The following GABRR1 variants were observed in gnomAD, a reference collection of about 807,000 sequenced individuals.
GABRR1 encodes gamma-aminobutyric acid receptor subunit rho-1.
Under a neutral mutation model 55.5 loss-of-function variants are expected in GABRR1, and 59 were observed. The ratio of observed to expected loss-of-function variants is 1.06; its 90% CI spans 0.86 to 1.32. The LOEUF (loss-of-function observed/expected upper bound fraction) is 1.32, where lower values mean the gene tolerates loss of function less well. Among genes scored for constraint, GABRR1 ranks in the 40% most tolerant of loss-of-function variants. GABRR1 has a pLI of 0.00. For missense variants in GABRR1, 602 were observed against 619.1 expected, an observed-to-expected ratio of 0.97 and a Z score of 0.29; for synonymous variants, 213 against 226.0, an observed-to-expected ratio of 0.94 and a Z score of 0.51.
At chr6:89,196,149 C>T (rs902255661) in intron 5 of GABRR1, among the ~76,000 whole-genome samples, 8 of 152,024 alleles carry the variant, frequency 5.3e-5, no homozygotes, top group Non-Finnish European at 1.0e-4. Flanking sequence ...AAAATATCAA[C>T]CAACATTCAT....
At chr6:89,217,749 G>C (rs1481730762), upstream of GABRR1, 2 of 160,804 alleles carry the variant, frequency 1.2e-5, no homozygotes, top group Non-Finnish European at 2.7e-5. Context: ...CTCCTCCCTG[G>C]ATCTATTTTA....
chr6:89,186,850 TC>T (rs1417330589), intron 6 of GABRR1, among the ~76,000 whole-genome samples: 1 of 152,196 alleles, frequency 6.6e-6, no homozygotes, highest in Non-Finnish European at 1.5e-5. Context: ...TTACACCCTT[TC>T]CCCACATTCA....
intron 1 of GABRR1, among the ~76,000 whole-genome samples, chr6:89,214,101 T>G (rs539910862): frequency 8.0e-4 from 122 of 152,170 alleles, no homozygotes; most frequent in African/African-American, 2.9e-3. Context: ...CTTTCTCTTG[T>G]CTAACTGCTT....
chr6:89,222,624 C>T (rs1773130846), intron 1 of GABRR1, among the ~76,000 whole-genome samples: 1 of 152,180 alleles, frequency 6.6e-6, no homozygotes, highest in South Asian at 2.1e-4. Context: ...GTAATGTGCT[C>T]TTTTTGTCAT....
At chr6:89,205,522 G>C (rs1231699534) in intron 1 of GABRR1, 1 of 152,138 alleles carries the variant, frequency 6.6e-6, no homozygotes, top group Non-Finnish European at 1.5e-5. Flanking sequence ...CTTTTATTTT[G>C]GATCAAATGA....
chr6:89,221,449 G>A (rs1455892590), upstream of GABRR1: 2 of 152,104 alleles, frequency 1.3e-5, no homozygotes, highest in African/African-American at 2.4e-5. Context: ...AAAAATATCT[G>A]GGGATAGAAA....
chr6:89,203,942 GAAGA>G (rs1475443703), intron 1 of GABRR1, among the ~76,000 whole-genome samples: 1 of 152,210 alleles, frequency 6.6e-6, no homozygotes, highest in Non-Finnish European at 1.5e-5. Flanking sequence ...GGAGGAGGAG[GAAGA>G]AAGAGGTCAG....
chr6:89,207,670 C>T (rs1772694866), intron 1 of GABRR1, among the ~76,000 whole-genome samples: 1 of 152,164 alleles, frequency 6.6e-6, no homozygotes, highest in Admixed American at 6.5e-5. Flanking sequence ...ATGCTCAGCC[C>T]TGATTACACA....
Position 89,178,666 on chromosome 6 carries a change from G to A in GABRR1, c.*104C>T, listed in dbSNP as rs752939934. 2.5e-5 allele frequency: 24 copies of A among 978,194 alleles called. No homozygotes were observed. In the South Asian group the frequency reaches 3.8e-4, roughly 15 times the overall value. The allele number at this position is 978,194 out of a possible 1,614,324, so 60.6% of individuals were successfully genotyped here. ...GAAGGGATAGTGAAAACATGGGTGG[G>A]TCCTGGGATTTTTTTTTAACCATAT... On this transcript the variant is annotated 3_prime_UTR_variant, in exon 10 of 10. Coordinates refer to ENST00000454853, the MANE Select transcript of GABRR1 (RefSeq NM_002042.5).
intron 1 of GABRR1, among the ~76,000 whole-genome samples, chr6:89,229,984 A>C: frequency 1.1e-5 from 1 of 92,136 alleles, no homozygotes; most frequent in Non-Finnish European, 2.2e-5. Context: ...TTTTCTCTAA[A>C]CTTCCCTTCT....
At chr6:89,206,611 G>A (rs530213251) in intron 1 of GABRR1, among the ~76,000 whole-genome samples, 3 of 148,262 alleles carry the variant, frequency 2.0e-5, no homozygotes, top group Non-Finnish European at 3.0e-5. Flanking sequence ...ATAGATGAGA[G>A]ACTGTACTTT....
chr6:89,225,896 T>A (rs1242844392), intron 1 of GABRR1, among the ~76,000 whole-genome samples: 1 of 141,460 alleles, frequency 7.1e-6, no homozygotes, highest in Admixed American at 6.9e-5. Context: ...GTAAAAGTGT[T>A]CCTATTTCTC....
At chr6:89,200,208 A>AAAAT (rs1458974255) in intron 3 of GABRR1, among the ~76,000 whole-genome samples, 3 of 151,874 alleles carry the variant, frequency 2.0e-5, no homozygotes, top group Non-Finnish European at 4.4e-5. Flanking sequence ...GACTGGAAGA[A>AAAAT]AAATAAATGG....
intron 2 of GABRR1, 124 bp downstream of exon 2, chr6:89,203,311 T>C: frequency 1.1e-6 from 1 of 891,010 alleles, no homozygotes; most frequent in South Asian, 1.4e-5. Flanking sequence ...CTTCCTCTGG[T>C]CCCCCACCCT....
chr6:89,185,666 C>T (rs1771881385), intron 6 of GABRR1, among the ~76,000 whole-genome samples: 2 of 152,218 alleles, frequency 1.3e-5, no homozygotes, highest in South Asian at 2.1e-4. Context: ...GAGCAAAGTT[C>T]TCAAGCCCAA....
At chr6:89,204,579 C>G (rs1772584132) in intron 1 of GABRR1, 1 of 1,222,816 alleles carries the variant, frequency 8.2e-7, no homozygotes, top group African/African-American at 1.6e-5. Context: ...TGGAAAAAAG[C>G]TTGGCCCAGC....
chr6:89,184,798 T>C (rs1771843058), intron 7 of GABRR1, among the ~76,000 whole-genome samples: 1 of 152,094 alleles, frequency 6.6e-6, no homozygotes. Context: ...CTCTGACGCA[T>C]TGGTAATATC....
At chr6:89,210,697 A>T (rs1772808207) in intron 1 of GABRR1, among the ~76,000 whole-genome samples, 1 of 152,166 alleles carries the variant, frequency 6.6e-6, no homozygotes, top group Non-Finnish European at 1.5e-5. Flanking sequence ...AAATAGCAAG[A>T]GTCAGGATTC....
chr6:89,182,267 C>A lies in GABRR1; in HGVS notation c.797-210G>T, dbSNP rs542879625. ...ATCTCAAGAAACCTTTGGCCGTTGT[C>A]CTATTTACAAACGGAATCCCTTGAA... On this transcript the variant is annotated intron_variant, in intron 7 of 9. Coordinates refer to ENST00000454853, the MANE Select transcript of GABRR1 (RefSeq NM_002042.5). Among the ~76,000 whole-genome samples, 232 of 152,274 alleles carry A rather than the reference C, an allele frequency of 1.5e-3. 1 individual carries two copies. Among genetic ancestry groups the A allele is most frequent in the African/African-American group, 5.5e-3 (229 of 41,552 alleles).
Sources: allele counts gnomAD v4.1 joint callset (sites outside exome capture counted in the v4.1 genomes callset), GRCh38; gene constraint gnomAD v4.1.1; transcripts MANE v1.5; gene names NCBI Gene and HGNC (gene_info 2026-07-23, HGNC 2026-07-21).